SNAP25: variants seen among roughly 807,000 people sequenced by gnomAD.
SNAP25 encodes synaptosome associated protein 25.
In SNAP25, 3 loss-of-function variants were observed where a neutral mutation model predicts 28.7. The ratio of observed to expected loss-of-function variants is 0.10; its 90% CI spans 0.05 to 0.27. The LOEUF (loss-of-function observed/expected upper bound fraction) is 0.27. Among genes scored for constraint, SNAP25 ranks in the 10% least tolerant of loss-of-function variants. The probability of loss-of-function intolerance (pLI) is 1.00; values close to 1 mark genes in which losing one functional copy is unlikely to be tolerated. For synonymous variants in SNAP25, 61 were observed against 88.1 expected (o/e 0.69, Z 1.72); for missense variants, 117 against 278.7 (o/e 0.42, Z 4.13).
chr20:10,247,447 C>G (rs1957603574), intron 1 of SNAP25, among the ~76,000 whole-genome samples: 1 of 152,324 alleles, frequency 6.6e-6, no homozygotes, highest in African/African-American at 2.4e-5. Context: ...AGGCATTAAA[C>G]TGGAAATACA....
intron 6 of SNAP25, 36 bp downstream of exon 6, chr20:10,297,086 T>A: frequency 6.6e-7 from 1 of 1,515,522 alleles, no homozygotes; most frequent in Non-Finnish European, 8.8e-7. Flanking sequence ...AGCAGTTCTC[T>A]ATTGTCAAGT....
chr20:10,231,044 C>A (rs1600645195), intron 1 of SNAP25, among the ~76,000 whole-genome samples: 2 of 152,082 alleles, frequency 1.3e-5, no homozygotes, highest in Non-Finnish European at 2.9e-5. Flanking sequence ...GCAGTCCCAG[C>A]CCATAGCCTC....
intron 1 of SNAP25, among the ~76,000 whole-genome samples, chr20:10,263,363 C>T (rs935234777): frequency 1.1e-4 from 17 of 152,090 alleles, no homozygotes; most frequent in African/African-American, 2.7e-4. Context: ...CACAGAAACA[C>T]GGAGATGACC....
chr20:10,272,788 T>C (rs898176836), intron 1 of SNAP25, among the ~76,000 whole-genome samples: 7 of 152,132 alleles, frequency 4.6e-5, no homozygotes, highest in Admixed American at 1.3e-4. Flanking sequence ...ATTTGTTTAA[T>C]GCCAGTGGTA....
At chr20:10,266,796 T>C (rs193216606) in intron 1 of SNAP25, among the ~76,000 whole-genome samples, 13 of 152,220 alleles carry the variant, frequency 8.5e-5, no homozygotes, top group Admixed American at 4.6e-4. Flanking sequence ...ATAGAAGAAA[T>C]TGATGGAACG....
chr20:10,280,386 TGGAGTTA>T (rs1368941263), intron 3 of SNAP25, among the ~76,000 whole-genome samples: 3 of 152,218 alleles, frequency 2.0e-5, no homozygotes, highest in Admixed American at 6.5e-5. Flanking sequence ...GTTCTCAGCC[TGGAGTTA>T]GGAACTCTCT....
chr20:10,288,642 A>ATT (rs2063931758), intron 4 of SNAP25, among the ~76,000 whole-genome samples: 1 of 152,198 alleles, frequency 6.6e-6, no homozygotes, highest in Admixed American at 6.5e-5. Context: ...AATTATAGCC[A>ATT]TACCACAGTA....
At chr20:10,256,237 G>A (rs1331194183) in intron 1 of SNAP25, among the ~76,000 whole-genome samples, 2 of 152,164 alleles carry the variant, frequency 1.3e-5, no homozygotes, top group Non-Finnish European at 2.9e-5. Flanking sequence ...ACCTTCATGT[G>A]CATCTTTCAA....
chr20:10,305,182 C>T (rs1432850025), intron 7 of SNAP25, among the ~76,000 whole-genome samples: 1 of 152,084 alleles, frequency 6.6e-6, no homozygotes, highest in Non-Finnish European at 1.5e-5. Context: ...TTCTAAGTAA[C>T]ACATTCATCT....
At chr20:10,222,992 G>T (rs1325187006) in intron 1 of SNAP25, among the ~76,000 whole-genome samples, 1 of 152,260 alleles carries the variant, frequency 6.6e-6, no homozygotes, top group South Asian at 2.1e-4. Flanking sequence ...TAAACATGGT[G>T]CTGAACACTC....
intron 7 of SNAP25, among the ~76,000 whole-genome samples, chr20:10,300,266 C>G (rs1407913286): frequency 6.6e-6 from 1 of 152,104 alleles, no homozygotes; most frequent in Non-Finnish European, 1.5e-5. Context: ...CCTAGGGCAC[C>G]AAAACCTGAT....
intron 1 of SNAP25, among the ~76,000 whole-genome samples, chr20:10,251,286 C>T (rs1243575822): frequency 6.6e-6 from 1 of 152,072 alleles, no homozygotes; most frequent in Non-Finnish European, 1.5e-5. Flanking sequence ...ATCACAGTTT[C>T]CTGGGGGATA....
chr20:10,279,225 G>A (rs1385530870), intron 3 of SNAP25, among the ~76,000 whole-genome samples: 1 of 152,176 alleles, frequency 6.6e-6, no homozygotes, highest in Non-Finnish European at 1.5e-5. Flanking sequence ...TTTTCAGGAG[G>A]AAGAAAAATG....
At chr20:10,222,360 A>G (rs779222265) in intron 1 of SNAP25, among the ~76,000 whole-genome samples, 10 of 152,252 alleles carry the variant, frequency 6.6e-5, no homozygotes, top group Non-Finnish European at 1.3e-4. Context: ...GGACTGGAAC[A>G]ATCTGAGAGA....
intron 1 of SNAP25, among the ~76,000 whole-genome samples, chr20:10,230,849 A>C (rs1800702573): frequency 6.6e-6 from 1 of 152,156 alleles, no homozygotes; most frequent in African/African-American, 2.4e-5. Flanking sequence ...TTTTTCTTCC[A>C]AGTGAGTTTG....
chr20:10,226,814 T>C (rs2062741345), intron 1 of SNAP25, among the ~76,000 whole-genome samples: 1 of 152,164 alleles, frequency 6.6e-6, no homozygotes, highest in Admixed American at 6.6e-5. Flanking sequence ...TCTATTTACA[T>C]GGCAATCAAC....
intron 4 of SNAP25, among the ~76,000 whole-genome samples, chr20:10,290,134 T>C (rs943718740): frequency 1.3e-5 from 2 of 152,204 alleles, no homozygotes; most frequent in African/African-American, 2.4e-5. Flanking sequence ...CAGAATGAGA[T>C]GCTTATAAGC....
intron 1 of SNAP25, among the ~76,000 whole-genome samples, chr20:10,275,158 C>T (rs1346023546): frequency 6.6e-6 from 1 of 152,018 alleles, no homozygotes; most frequent in African/African-American, 2.4e-5. Context: ...TCCCTCCAAC[C>T]TCATCATTCC....
chr20:10,275,304 A>G (rs1033760398), intron 1 of SNAP25, 125 bp from the exon 2 acceptor site: 4 of 383,052 alleles, frequency 1.0e-5, no homozygotes, highest in African/African-American at 6.2e-5. Context: ...CTGTCTGAGT[A>G]TGGCTTTCAG....
Sources: allele counts gnomAD v4.1 joint callset (sites outside exome capture counted in the v4.1 genomes callset), GRCh38; gene constraint gnomAD v4.1.1; transcripts MANE v1.5; gene names NCBI Gene and HGNC (gene_info 2026-07-23, HGNC 2026-07-21).